MSN: variants seen among roughly 807,000 people sequenced by gnomAD.
MSN encodes the protein moesin.
MSN carries 2 observed loss-of-function variants against 48.0 expected under a neutral mutation model. The observed-to-expected ratio is 0.04, with a 90% CI of 0.02 to 0.13. MSN has a LOEUF of 0.13. Among genes scored for constraint, MSN ranks in the 10% least tolerant of loss-of-function variants. The probability of loss-of-function intolerance (pLI) is 1.00; values close to 1 mark genes in which losing one functional copy is unlikely to be tolerated. For missense variants in MSN, 267 were observed against 470.1 expected (o/e 0.57, Z 3.99); for synonymous variants, 146 against 166.9 (o/e 0.87, Z 0.97).
At chrX:65,613,444 C>T (rs1049918377) in intron 1 of MSN, among the ~76,000 whole-genome samples, 3 of 114,849 alleles carry the variant, frequency 2.6e-5, no homozygotes, top group South Asian at 3.3e-4. Flanking sequence ...CTTCAGGAAT[C>T]GCCACATTGT....
chrX:65,726,233 A>G (rs975849993), intron 2 of MSN, among the ~76,000 whole-genome samples: 3 of 111,739 alleles, frequency 2.7e-5, no homozygotes, highest in African/African-American at 9.7e-5. Context: ...AGACAAGGCA[A>G]TTAATCACTT....
chrX:65,719,470 C>T (rs1318615340), intron 2 of MSN, among the ~76,000 whole-genome samples: 1 of 111,886 alleles, frequency 8.9e-6, no homozygotes. Context: ...TGAGTATGAT[C>T]AGCTGCTGGC....
chrX:65,618,395 A>G (rs1242406973), intron 1 of MSN, among the ~76,000 whole-genome samples: 1 of 111,418 alleles, frequency 9.0e-6, no homozygotes, highest in African/African-American at 3.3e-5. Flanking sequence ...GTGCTCATGT[A>G]TTGGGTGCAT....
chrX:65,603,226 G>A (rs981990969), intron 1 of MSN, among the ~76,000 whole-genome samples: 4 of 112,027 alleles, frequency 3.6e-5, no homozygotes, highest in South Asian at 3.7e-4. Flanking sequence ...GTTGGGAGGT[G>A]TAGGTTGCAG....
chrX:65,705,440 T>C (rs759701923), intron 1 of MSN, among the ~76,000 whole-genome samples: 55 of 110,955 alleles, frequency 5.0e-4, no homozygotes, highest in Non-Finnish European at 9.1e-4. Context: ...TTGGCTAAGG[T>C]GATTTTGAAA....
upstream of MSN, among the ~76,000 whole-genome samples, chrX:65,662,824 G>T (rs946370426): frequency 2.7e-5 from 3 of 112,266 alleles, no homozygotes; most frequent in Admixed American, 2.8e-4. Context: ...CACAGCAAAA[G>T]AAACTATCAA....
At chrX:65,639,255 T>C (rs2070629784) in intron 1 of MSN, among the ~76,000 whole-genome samples, 2 of 111,184 alleles carry the variant, frequency 1.8e-5, no homozygotes, top group South Asian at 7.7e-4. Flanking sequence ...GCAATCCTCC[T>C]GCCTCAGCCT....
At chrX:65,630,098 G>C (rs968779774) in intron 1 of MSN, among the ~76,000 whole-genome samples, 1 of 110,085 alleles carries the variant, frequency 9.1e-6, no homozygotes, top group African/African-American at 3.3e-5. Flanking sequence ...AGAATCGCTG[G>C]AACCTGGGAG....
intron 1 of MSN, among the ~76,000 whole-genome samples, chrX:65,629,904 C>T (rs182001843): frequency 6.0e-4 from 67 of 111,874 alleles, no homozygotes; most frequent in African/African-American, 2.0e-3. Flanking sequence ...TTCACTCAGG[C>T]GAGGTGGCTC....
At chrX:65,680,285 G>A (rs1003241038) in intron 1 of MSN, among the ~76,000 whole-genome samples, 3 of 111,623 alleles carry the variant, frequency 2.7e-5, no homozygotes, top group Admixed American at 9.5e-5. Flanking sequence ...ATTTCTTGTC[G>A]TATCTCATAT....
intron 1 of MSN, among the ~76,000 whole-genome samples, chrX:65,672,524 A>T (rs1279137554): frequency 8.9e-6 from 1 of 111,829 alleles, no homozygotes; most frequent in Non-Finnish European, 1.9e-5. Context: ...TTTCAATTCC[A>T]GGTTCTAATC....
At chrX:65,671,666 T>C (rs1300266986) in intron 1 of MSN, among the ~76,000 whole-genome samples, 1 of 111,868 alleles carries the variant, frequency 8.9e-6, no homozygotes, top group African/African-American at 3.3e-5. Flanking sequence ...TGGCCCTTTG[T>C]GAAAGTGTAG....
chrX:65,708,778 G>A (rs887549330), intron 1 of MSN, among the ~76,000 whole-genome samples: 1 of 111,079 alleles, frequency 9.0e-6, no homozygotes, highest in Non-Finnish European at 1.9e-5. Flanking sequence ...CGCCTCTCGG[G>A]TTCAAGAGAT....
chrX:65,633,256 T>G (rs900862579), intron 1 of MSN, among the ~76,000 whole-genome samples: 7 of 111,642 alleles, frequency 6.3e-5, no homozygotes, highest in African/African-American at 2.3e-4. Flanking sequence ...AGACTTTTTT[T>G]GCACCCCTTT....
chrX:65,589,155 C>T (rs1424485224), intron 1 of MSN: 4 of 124,844 alleles, frequency 3.2e-5, no homozygotes, highest in African/African-American at 9.7e-5. Context: ...CTCTCTATCC[C>T]CTGCACTTAG....
upstream of MSN, among the ~76,000 whole-genome samples, chrX:65,664,725 C>T (rs2070853732): frequency 1.9e-5 from 2 of 105,841 alleles, no homozygotes; most frequent in South Asian, 9.1e-4. Flanking sequence ...CACCCCCTGC[C>T]CCTGCTTGGA....
intron 1 of MSN, among the ~76,000 whole-genome samples, chrX:65,616,978 T>C (rs918284129): frequency 3.6e-5 from 4 of 110,290 alleles, no homozygotes; most frequent in Non-Finnish European, 5.6e-5. Context: ...GTGGTTTTTG[T>C]CTTTGGCTCT....
chrX:65,630,336 G>T (rs1411767202), intron 1 of MSN, among the ~76,000 whole-genome samples: 2 of 111,725 alleles, frequency 1.8e-5, no homozygotes, highest in African/African-American at 6.5e-5. Flanking sequence ...CATTTTGGGA[G>T]GCTGAAGCAG....
intron 1 of MSN, among the ~76,000 whole-genome samples, chrX:65,641,550 G>GTGTA (rs2070651211): frequency 3.3e-4 from 5 of 15,384 alleles, no homozygotes; most frequent in Non-Finnish European, 4.0e-4. Flanking sequence ...AAAAAGTGAA[G>GTGTA]TATATATATA....
Sources: allele counts gnomAD v4.1 joint callset (sites outside exome capture counted in the v4.1 genomes callset), GRCh38; gene constraint gnomAD v4.1.1; transcripts MANE v1.5; gene names NCBI Gene and HGNC (gene_info 2026-07-23, HGNC 2026-07-21).